ANO6: variants seen among roughly 807,000 people sequenced by gnomAD.
The protein encoded by ANO6 is anoctamin 6, also known as anoctamin-6.
ANO6 carries 106 observed loss-of-function variants against 117.5 expected under a neutral mutation model. The ratio of observed to expected loss-of-function variants is 0.90; its 90% CI spans 0.77 to 1.06. ANO6 has a LOEUF of 1.06. ANO6 is among the 50% of genes least tolerant of loss of function. The pLI is 0.00. For missense variants in ANO6, 955 were observed against 1,121.1 expected (o/e 0.85, Z 2.12); for synonymous variants, 367 against 385.1 (o/e 0.95, Z 0.55).
chr12:45,226,984 CTTTTTTTT>C (rs906373347), intron 1 of ANO6, among the ~76,000 whole-genome samples: 19 of 112,764 alleles, frequency 1.7e-4, no homozygotes, highest in Non-Finnish European at 3.2e-4. Flanking sequence ...TTATCATTTT[CTTTTTTTT>C]TTTTTTTTTT....
rs757269234 is a variant in ANO6, at chr12:45,423,018, T to G, written c.2482T>G (p.Trp828Gly). Residue 828 changes from tryptophan to glycine, a missense_variant, in exon 19 of 20, where the codon TGG (tryptophan) becomes GGG (glycine). Coordinates refer to ENST00000320560, the MANE Select transcript of ANO6 (RefSeq NM_001025356.3). ...GGAGTATAAACACAACATCTACTAT[T>G]GGCATGTGATTGCAGCCAAGCTGGC... ...PQEYKHNIYYWHVIAAKLAFI... is the reference protein window; with the variant it reads ...PQEYKHNIYYGHVIAAKLAFI... The G allele has an allele frequency of 9.3e-6, 15 of 1,614,056 alleles. No individual in the cohort carries two copies. The highest frequency in any genetic ancestry group is 1.3e-5 in the Non-Finnish European group (15 of 1,179,984).
At chr12:45,356,980 G>C (rs561292493) in intron 7 of ANO6, among the ~76,000 whole-genome samples, 1 of 152,196 alleles carries the variant, frequency 6.6e-6, no homozygotes, top group Non-Finnish European at 1.5e-5. Flanking sequence ...AAATAGTGCT[G>C]GTCTTTACAA....
chr12:45,216,541 G>A (rs1428573404), intron 1 of ANO6, 150 bp downstream of exon 1: 15 of 910,234 alleles, frequency 1.6e-5, no homozygotes, highest in Admixed American at 2.7e-5. Context: ...CGCTGTCCCC[G>A]GCTGCTTGCA....
intron 1 of ANO6, among the ~76,000 whole-genome samples, chr12:45,263,467 C>T (rs572523207): frequency 2.0e-5 from 3 of 150,770 alleles, no homozygotes; most frequent in Non-Finnish European, 4.4e-5. Flanking sequence ...TCACCTTGGC[C>T]TTCTAAAATG....
chr12:45,224,178 A>G (rs1565629749), intron 1 of ANO6, among the ~76,000 whole-genome samples: 1 of 152,122 alleles, frequency 6.6e-6, no homozygotes, highest in Non-Finnish European at 1.5e-5. Flanking sequence ...AAAGCACGTG[A>G]CCTTGCCTAG....
In ANO6 at chr12:45,429,612, G is replaced by C. The variant is rs59581983; in HGVS notation, c.*301G>C. Reference sequence around the variant, plus strand: ...CTTAAAAACCACCCCTTCTAAAGTAGAATGGATTCTTTTTTTTCTGTTTGA... The same window carrying C: ...CTTAAAAACCACCCCTTCTAAAGTACAATGGATTCTTTTTTTTCTGTTTGA... On this transcript the variant is annotated 3_prime_UTR_variant, in exon 20 of 20. Coordinates refer to ENST00000320560, the MANE Select transcript of ANO6 (RefSeq NM_001025356.3). 1.4e-5 allele frequency: 16 copies of C among 1,183,788 alleles called. No homozygotes were observed. The highest frequency in any genetic ancestry group is 1.6e-5 in the Non-Finnish European group (15 of 949,254). 73.3% of individuals were successfully genotyped at this position (1,183,788 alleles called of 1,614,324 possible). A position where few individuals can be genotyped will look rare whatever the true frequency, so the allele number is the denominator to read the frequency against.
At chr12:45,437,814 C>T (rs1007582649) in intron 19 of ANO6, among the ~76,000 whole-genome samples, 2 of 152,142 alleles carry the variant, frequency 1.3e-5, no homozygotes, top group Non-Finnish European at 2.9e-5. Context: ...AGACAATCCA[C>T]CCACCTTGCC....
chr12:45,306,827 G>T (rs1256090550), intron 2 of ANO6, among the ~76,000 whole-genome samples: 1 of 151,654 alleles, frequency 6.6e-6, no homozygotes, highest in African/African-American at 2.4e-5. Context: ...TTATTTGTGT[G>T]TATGTGTTGG....
intron 10 of ANO6, 56 bp downstream of exon 10, chr12:45,378,169 TGTAGGCTATCAAA>T: frequency 6.5e-7 from 1 of 1,535,498 alleles, no homozygotes; most frequent in South Asian, 1.2e-5. Context: ...CACAGTTTTA[TGTAGGCTATCAAA>T]GTAACCCACT....
At chr12:45,433,646 C>T (rs1012569589), downstream of ANO6, among the ~76,000 whole-genome samples, 2 of 152,114 alleles carry the variant, frequency 1.3e-5, no homozygotes, top group Admixed American at 1.3e-4. Context: ...GACTCATCTG[C>T]CTTCTCTCCT....
chr12:45,437,155 G>A (rs989010209), downstream of ANO6, among the ~76,000 whole-genome samples: 2 of 152,180 alleles, frequency 1.3e-5, no homozygotes, highest in African/African-American at 2.4e-5. Flanking sequence ...CCCTGGGAGG[G>A]TCTAAGTCCT....
chr12:45,359,388 A>T (rs1941496309), intron 8 of ANO6, among the ~76,000 whole-genome samples: 1 of 152,000 alleles, frequency 6.6e-6, no homozygotes, highest in Non-Finnish European at 1.5e-5. Flanking sequence ...ACCACCATCT[A>T]ATTCTAGAAC....
chr12:45,337,607 A>G (rs1231338804), intron 3 of ANO6, among the ~76,000 whole-genome samples: 1 of 152,128 alleles, frequency 6.6e-6, no homozygotes, highest in Non-Finnish European at 1.5e-5. Flanking sequence ...TTGAATTCAT[A>G]GAAGTAGATA....
At chr12:45,360,177 TAGTC>T (rs1941518111) in intron 8 of ANO6, among the ~76,000 whole-genome samples, 1 of 152,252 alleles carries the variant, frequency 6.6e-6, no homozygotes, top group Non-Finnish European at 1.5e-5. Flanking sequence ...GATATTGTCT[TAGTC>T]TGTTTGTGCT....
intron 17 of ANO6, among the ~76,000 whole-genome samples, chr12:45,417,462 G>A (rs1314046377): frequency 6.6e-6 from 1 of 152,160 alleles, no homozygotes; most frequent in Non-Finnish European, 1.5e-5. Context: ...CCACCCTTAG[G>A]TCTTTGCTCA....
At chr12:45,433,160 C>T (rs1285516352), downstream of ANO6, among the ~76,000 whole-genome samples, 1 of 152,208 alleles carries the variant, frequency 6.6e-6, no homozygotes, top group Non-Finnish European at 1.5e-5. Context: ...GCATAGGATA[C>T]CCGCTTCTAG....
chr12:45,332,645 G>T (rs1307392480), intron 3 of ANO6, among the ~76,000 whole-genome samples: 1 of 151,968 alleles, frequency 6.6e-6, no homozygotes, highest in Non-Finnish European at 1.5e-5. Context: ...AGTGTTTATT[G>T]TTCACGTCAA....
chr12:45,216,442 A>G, intron 1 of ANO6, 51 bp downstream of exon 1: 1 of 1,590,508 alleles, frequency 6.3e-7, no homozygotes, highest in South Asian at 1.1e-5. Context: ...CCGACGCGGG[A>G]AGAAGTTCGG....
At chr12:45,353,996 G>T (rs1048416507) in intron 7 of ANO6, among the ~76,000 whole-genome samples, 20 of 152,158 alleles carry the variant, frequency 1.3e-4, no homozygotes, top group African/African-American at 4.6e-4. Flanking sequence ...AATTAGATCA[G>T]TCCAGGCCGG....
Sources: gnomAD v4.1 joint callset for allele counts (sites outside exome capture counted in the v4.1 genomes callset) on GRCh38, gnomAD v4.1.1 for gene constraint, MANE v1.5 for transcripts, NCBI Gene and HGNC (gene_info 2026-07-23, HGNC 2026-07-21) for gene names.